KCNIP4: variants seen among roughly 807,000 people sequenced by gnomAD.
KCNIP4 encodes the protein potassium voltage-gated channel interacting protein 4.
In KCNIP4, 12 loss-of-function variants were observed where a neutral mutation model predicts 34.0. The ratio of observed to expected loss-of-function variants is 0.35; its 90% confidence interval spans 0.23 to 0.57. KCNIP4 has a LOEUF of 0.57. Ranked by LOEUF, KCNIP4 falls within the 20% of genes least tolerant of loss-of-function variation. KCNIP4 has a pLI of 0.83. For missense variants in KCNIP4, 238 were observed against 311.7 expected, an observed-to-expected ratio of 0.76 and a Z score of 1.78; for synonymous variants, 124 against 102.2, an observed-to-expected ratio of 1.21 and a Z score of -1.29.
At chr4:21,534,888 G>T (rs115073723) in intron 1 of KCNIP4, among the ~76,000 whole-genome samples, 2 of 152,116 alleles carry the variant, frequency 1.3e-5, no homozygotes, top group Non-Finnish European at 2.9e-5. Context: ...GCTTCACATC[G>T]TAGGGCTTTG....
At chr4:21,054,249 T>A (rs1743200099) in intron 1 of KCNIP4, among the ~76,000 whole-genome samples, 1 of 152,276 alleles carries the variant, frequency 6.6e-6, no homozygotes, top group South Asian at 2.1e-4. Flanking sequence ...CTGGGCATGC[T>A]GGCTCACGTC....
chr4:20,850,464 T>C (rs753279000), intron 3 of KCNIP4, 79 bp downstream of exon 3: 2 of 1,456,122 alleles, frequency 1.4e-6, no homozygotes, highest in South Asian at 2.4e-5. Context: ...TAGAATGGGA[T>C]ATTTTCCCCC....
chr4:21,598,026 C>T lies in KCNIP4; in HGVS notation c.61+350545G>A, dbSNP rs548527857. 3.3e-5 allele frequency among the ~76,000 whole-genome samples: 5 copies of T among 152,138 alleles called. No homozygotes were observed. In the South Asian group the frequency reaches 8.3e-4, roughly 25 times the overall value. ...GTTGGGAGGGTAAATTATTTCGGTA[C>T]GTCTGAAAAATTCAGAAAGCTGTAA... On this transcript the variant is annotated intron_variant, in intron 1 of 8. Coordinates refer to ENST00000382152, the MANE Select transcript of KCNIP4 (RefSeq NM_025221.6).
At chr4:20,808,508 TC>T (rs1398543189) in intron 3 of KCNIP4, among the ~76,000 whole-genome samples, 2 of 152,304 alleles carry the variant, frequency 1.3e-5, no homozygotes, top group Non-Finnish European at 2.9e-5. Context: ...ACATAATTAT[TC>T]ATAATTATTT....
intron 1 of KCNIP4, among the ~76,000 whole-genome samples, chr4:21,581,680 T>G (rs1278448658): frequency 6.6e-6 from 1 of 151,998 alleles, no homozygotes; most frequent in Admixed American, 6.6e-5. Context: ...AAGACATTGT[T>G]CAGTACATTT....
At chr4:21,849,083 A>G (rs1380423734) in intron 1 of KCNIP4, 2 of 152,104 alleles carry the variant, frequency 1.3e-5, no homozygotes, top group African/African-American at 4.8e-5. Context: ...GAAACAAAAT[A>G]AAAGGAATCA....
chr4:21,148,238 A>G (rs749949090), intron 1 of KCNIP4, among the ~76,000 whole-genome samples: 1 of 152,196 alleles, frequency 6.6e-6, no homozygotes, highest in African/African-American at 2.4e-5. Flanking sequence ...TATATGCTTT[A>G]TGACATTGTA....
intron 1 of KCNIP4, among the ~76,000 whole-genome samples, chr4:21,148,793 T>A (rs1752566016): frequency 6.6e-6 from 1 of 152,130 alleles, no homozygotes; most frequent in African/African-American, 2.4e-5. Context: ...ACAATTCAAT[T>A]TGCCAAATCA....
intron 1 of KCNIP4, among the ~76,000 whole-genome samples, chr4:21,742,699 C>A (rs566314702): frequency 3.7e-4 from 56 of 152,204 alleles, no homozygotes; most frequent in African/African-American, 1.2e-3. Flanking sequence ...AGAAATACAA[C>A]AAGACTTAGT....
At chr4:21,584,676 T>C (rs1240848555) in intron 1 of KCNIP4, among the ~76,000 whole-genome samples, 1 of 152,088 alleles carries the variant, frequency 6.6e-6, no homozygotes, top group Non-Finnish European at 1.5e-5. Flanking sequence ...CTCAAGACCA[T>C]GCAACCAGTG....
At chr4:21,896,925 T>C (rs1039666437) in intron 1 of KCNIP4, among the ~76,000 whole-genome samples, 9 of 130,664 alleles carry the variant, frequency 6.9e-5, no homozygotes, top group Non-Finnish European at 1.3e-4. Flanking sequence ...AAAAAATACA[T>C]AAATAAATAA....
At chr4:21,068,944 A>G (rs1180676103) in intron 1 of KCNIP4, among the ~76,000 whole-genome samples, 2 of 152,204 alleles carry the variant, frequency 1.3e-5, no homozygotes, top group African/African-American at 2.4e-5. Context: ...AAAGAGTTTG[A>G]GCCTGGGCTT....
Position 20,885,428 on chromosome 4 carries a change from T to C in KCNIP4, c.62-2719A>G, listed in dbSNP as rs566596023. On this transcript the variant is annotated intron_variant, in intron 1 of 8. Transcript: ENST00000382152. ...GACCTGCCAACCAGTCCTGTGACCC[T>C]ACCCAGAAGCCAACTCAGCATGAGG... Among the ~76,000 whole-genome samples, 43 of 151,918 alleles carry C rather than the reference T, an allele frequency of 2.8e-4. 1 individual carries two copies. In the South Asian group the frequency reaches 8.5e-3, roughly 30 times the overall value.
intron 2 of KCNIP4, among the ~76,000 whole-genome samples, chr4:20,861,532 A>T (rs1296817684): frequency 6.6e-6 from 1 of 152,196 alleles, no homozygotes; most frequent in Non-Finnish European, 1.5e-5. Context: ...CTGGCCCTGA[A>T]TGTATGTTAG....
At chr4:21,459,672 T>C (rs1012292454) in intron 1 of KCNIP4, among the ~76,000 whole-genome samples, 2 of 152,068 alleles carry the variant, frequency 1.3e-5, no homozygotes, top group Non-Finnish European at 2.9e-5. Flanking sequence ...CTCCCAAATA[T>C]GCTCCTTCTT....
At chr4:20,919,079 T>C (rs1339700179) in intron 1 of KCNIP4, among the ~76,000 whole-genome samples, 2 of 152,214 alleles carry the variant, frequency 1.3e-5, no homozygotes, top group Non-Finnish European at 2.9e-5. Context: ...ATTAGGATTA[T>C]TAGCAGGGCT....
intron 1 of KCNIP4, among the ~76,000 whole-genome samples, chr4:20,891,153 C>T (rs964973720): frequency 2.6e-5 from 4 of 152,136 alleles, no homozygotes; most frequent in East Asian, 1.9e-4. Flanking sequence ...AATAATGGCT[C>T]GTACTCTATT....
chr4:20,837,010 C>G (rs1578738086), intron 3 of KCNIP4, among the ~76,000 whole-genome samples: 1 of 152,032 alleles, frequency 6.6e-6, no homozygotes, highest in African/African-American at 2.4e-5. Flanking sequence ...ATATCCAATA[C>G]TAGCAAAGTC....
chr4:21,945,447 T>C (rs908646074), intron 1 of KCNIP4, among the ~76,000 whole-genome samples: 1 of 152,186 alleles, frequency 6.6e-6, no homozygotes, highest in Non-Finnish European at 1.5e-5. Flanking sequence ...AATAAATGGA[T>C]TTTTCAATAT....
Sources: gnomAD v4.1 joint callset for allele counts (sites outside exome capture counted in the v4.1 genomes callset) on GRCh38, gnomAD v4.1.1 for gene constraint, MANE v1.5 for transcripts, NCBI Gene and HGNC (gene_info 2026-07-23, HGNC 2026-07-21) for gene names.